The following CNOT1 variants were observed in gnomAD, a reference collection of about 807,000 sequenced individuals.
The protein encoded by CNOT1 is CCR4-NOT transcription complex subunit 1, also known as CCR4-associated factor 1.
A neutral mutation model predicts 273.8 loss-of-function variants in CNOT1; 15 were observed. The observed-to-expected ratio is 0.05, with a 90% CI of 0.04 to 0.08. The LOEUF (loss-of-function observed/expected upper bound fraction) is 0.08. Ranked by LOEUF, CNOT1 falls within the 10% of genes least tolerant of loss-of-function variation. The probability of loss-of-function intolerance (pLI) is 1.00; values close to 1 mark genes in which losing one functional copy is unlikely to be tolerated. For synonymous variants in CNOT1, 1,022 were observed against 1,005.5 expected, an observed-to-expected ratio of 1.02 and a Z score of -0.31; for missense variants, 1,644 against 2,912.2, an observed-to-expected ratio of 0.56 and a Z score of 10.02.
chr16:58,525,107 T>G, intron 46 of CNOT1, 72 bp downstream of exon 46: 1 of 1,423,860 alleles, frequency 7.0e-7, no homozygotes. Flanking sequence ...GAAGCATTTT[T>G]ACATTTTTGT....
intron 42 of CNOT1, 196 bp from the exon 43 acceptor site, chr16:58,530,543 G>T: frequency 2.5e-6 from 1 of 392,944 alleles, no homozygotes; most frequent in Non-Finnish European, 4.6e-6. Context: ...AGCACTCTGG[G>T]AGGCCAAGGC....
chr16:58,549,537 T>G (rs1380301107), intron 25 of CNOT1, among the ~76,000 whole-genome samples, 182 bp downstream of exon 25: 3 of 152,178 alleles, frequency 2.0e-5, no homozygotes, highest in African/African-American at 7.2e-5. Context: ...GCACAGGGTA[T>G]GCCTATAAAT....
intron 1 of CNOT1, among the ~76,000 whole-genome samples, chr16:58,624,997 C>G (rs1032898252): frequency 6.6e-6 from 1 of 151,748 alleles, no homozygotes; most frequent in Non-Finnish European, 1.5e-5. Flanking sequence ...TCTGTAATCA[C>G]GGCACTCTGG....
chr16:58,544,011 C>T, intron 30 of CNOT1, 108 bp from the exon 31 acceptor site: 1 of 1,441,956 alleles, frequency 6.9e-7, no homozygotes, highest in Non-Finnish European at 9.1e-7. Context: ...CCAAAAACTA[C>T]CAGTTTCTAC....
At chr16:58,602,087 A>G (rs1033003442) in intron 1 of CNOT1, among the ~76,000 whole-genome samples, 4 of 151,038 alleles carry the variant, frequency 2.6e-5, no homozygotes, top group Non-Finnish European at 5.9e-5. Context: ...TATTTTTTTG[A>G]GACAGAGTTT....
intron 1 of CNOT1, among the ~76,000 whole-genome samples, chr16:58,629,166 G>C (rs1362301384): frequency 6.6e-6 from 1 of 152,242 alleles, no homozygotes; most frequent in Non-Finnish European, 1.5e-5. Context: ...CCGAAACCTG[G>C]GGGGCTTTGA....
chr16:58,559,996 T>G, intron 17 of CNOT1: 1 of 1,314,536 alleles, frequency 7.6e-7, no homozygotes, highest in Non-Finnish European at 1.1e-6. Flanking sequence ...CTAAATAAAT[T>G]GTCTGTATAT....
intron 1 of CNOT1, among the ~76,000 whole-genome samples, chr16:58,609,453 T>C (rs1017673219): frequency 6.6e-6 from 1 of 151,762 alleles, no homozygotes; most frequent in African/African-American, 2.4e-5. Context: ...CCCAATAACC[T>C]ATAGAAATAA....
intron 16 of CNOT1, among the ~76,000 whole-genome samples, chr16:58,573,554 C>A (rs920844300): frequency 1.4e-5 from 2 of 146,650 alleles, no homozygotes; most frequent in African/African-American, 5.1e-5. Flanking sequence ...GATCTCGGCT[C>A]ACTACAAGCT....
intron 2 of CNOT1, among the ~76,000 whole-genome samples, chr16:58,598,121 G>A (rs556960571): frequency 2.9e-4 from 43 of 149,336 alleles, no homozygotes; most frequent in East Asian, 9.9e-4. Context: ...AAAATTTGCC[G>A]GGCGCAGTGG....
At chr16:58,578,625 T>C (rs1267248861) in intron 13 of CNOT1, 74 bp downstream of exon 13, 6 of 1,549,448 alleles carry the variant, frequency 3.9e-6, no homozygotes, top group African/African-American at 2.7e-5. Context: ...ATTTCTCTGG[T>C]TGAGCTTCCT....
In CNOT1 at chr16:58,539,962, G is replaced by A. The variant is rs765317840; in HGVS notation, c.4801-3C>T. The A allele has an allele frequency of 1.3e-6, 2 of 1,597,276 alleles. No individual in the cohort carries two copies. The highest frequency in any genetic ancestry group is 4.5e-5 in the East Asian group (2 of 44,624). On this transcript the variant is annotated splice_region_variant and splice_polypyrimidine_tract_variant and intron_variant, in intron 34 of 48. Coordinates refer to ENST00000317147, the MANE Select transcript of CNOT1 (RefSeq NM_016284.5). Reference sequence around the variant, plus strand: ...ACATCATCTGTTGCCCAAGCTTGCTGTTTTACAGAAGGAAACAACCAACAA... The same window carrying A: ...ACATCATCTGTTGCCCAAGCTTGCTATTTTACAGAAGGAAACAACCAACAA...
At chr16:58,537,400 A>G (rs1281668333) in intron 38 of CNOT1, among the ~76,000 whole-genome samples, 180 bp from the exon 39 acceptor site, 2 of 152,206 alleles carry the variant, frequency 1.3e-5, no homozygotes, top group African/African-American at 4.8e-5. Flanking sequence ...ATGAGCATAC[A>G]ACACACAAAC....
At chr16:58,591,115 C>A (rs374753930) in intron 2 of CNOT1, among the ~76,000 whole-genome samples, 7 of 152,176 alleles carry the variant, frequency 4.6e-5, no homozygotes, top group African/African-American at 1.7e-4. Context: ...AAGAACAATC[C>A]AGGGAGAAGG....
At chr16:58,601,919 G>A (rs2042481276) in intron 1 of CNOT1, among the ~76,000 whole-genome samples, 1 of 151,046 alleles carries the variant, frequency 6.6e-6, no homozygotes, top group African/African-American at 2.4e-5. Context: ...ATAAAAAGAT[G>A]ATGGATACAC....
rs561328538 is a variant in CNOT1, at chr16:58,601,194, G to A, written c.-174-1683C>T. Among the ~76,000 whole-genome samples the A allele has an allele frequency of 1.5e-4, 23 of 152,224 alleles. No homozygotes were observed. The East Asian group carries it at 3.5e-3, about 23-fold the overall frequency. ...TGGTCTTGAACTCCTGACCTCAGGC[G>A]ATCCACCTGCTTCGGCCTTCCAAAA... is the stretch of plus-strand genomic sequence containing the variant. On this transcript the variant is annotated intron_variant, in intron 1 of 48. Transcript: ENST00000317147.
At chr16:58,608,313 G>A (rs1448444085) in intron 1 of CNOT1, among the ~76,000 whole-genome samples, 1 of 152,072 alleles carries the variant, frequency 6.6e-6, no homozygotes, top group African/African-American at 2.4e-5. Flanking sequence ...CCAGTACTAT[G>A]GGAGACCAAA....
chr16:58,565,741 C>CA lies in CNOT1; in HGVS notation c.1980-5380dup, dbSNP rs200271383. Among the ~76,000 whole-genome samples, 328 of 152,162 alleles carry CA rather than the reference C, an allele frequency of 2.2e-3. 2 individuals are homozygous for CA. Among genetic ancestry groups the CA allele is most frequent in the African/African-American group, 7.7e-3 (319 of 41,500 alleles). On this transcript the variant is annotated intron_variant, in intron 16 of 48. Coordinates refer to ENST00000317147, the MANE Select transcript of CNOT1 (RefSeq NM_016284.5). Reference sequence around the variant, plus strand: ...GCAGATCACTTGAGGTCAGGAAGTTCAAGAGCAGCCTGGCCAACATGGCAA... The same window carrying CA: ...GCAGATCACTTGAGGTCAGGAAGTTCAAAGAGCAGCCTGGCCAACATGGCAA...
rs536989003 is a variant in CNOT1, at chr16:58,536,486, A to G, written c.5646+503T>C. On this transcript the variant is annotated intron_variant, in intron 39 of 48. Coordinates refer to ENST00000317147, the MANE Select transcript of CNOT1 (RefSeq NM_016284.5). ...GCTTTGTTCCTAACCCTTTTAAGTC[A>G]AAGTCCAACTTGCATCAAATCTAAT... Among the ~76,000 whole-genome samples the G allele has an allele frequency of 7.2e-5, 11 of 152,348 alleles. 1 individual carries two copies. In the South Asian group the frequency reaches 2.1e-3, roughly 29 times the overall value.
Sources: gnomAD v4.1 joint callset for allele counts (sites outside exome capture counted in the v4.1 genomes callset) on GRCh38, gnomAD v4.1.1 for gene constraint, MANE v1.5 for transcripts, NCBI Gene and HGNC (gene_info 2026-07-23, HGNC 2026-07-21) for gene names.